Variants in SYNDIG1L observed in about 807,000 individuals in gnomAD.
SYNDIG1L encodes the protein synapse differentiation-inducing gene protein 1-like.
Under a neutral mutation model 20.1 loss-of-function variants are expected in SYNDIG1L, and 13 were observed. That is an observed-to-expected ratio of 0.65 (90% CI 0.42 to 1.03). The LOEUF (loss-of-function observed/expected upper bound fraction) is 1.03. Among genes scored for constraint, SYNDIG1L ranks in the 50% least tolerant of loss-of-function variants. The pLI is 0.00. For synonymous variants in SYNDIG1L, 128 were observed against 129.3 expected (o/e 0.99, Z 0.07); for missense variants, 294 against 305.1 (o/e 0.96, Z 0.27).
chr14:74,476,162 C>G, the SYNDIG1L span: 13 of 479,066 alleles, frequency 2.7e-5, no homozygotes, highest in South Asian at 1.4e-4. Context: ...GCAGTATCCC[C>G]CTTTGTGGCA....
chr14:74,416,539 C>T (rs987799461), intron 1 of SYNDIG1L, among the ~76,000 whole-genome samples: 6 of 152,042 alleles, frequency 3.9e-5, no homozygotes, highest in African/African-American at 7.2e-5. Context: ...GAGGCCGAGG[C>T]GGGAGGATCG....
chr14:74,435,930 T>C, the SYNDIG1L span, among the ~76,000 whole-genome samples: 1 of 152,182 alleles, frequency 6.6e-6, no homozygotes, highest in Non-Finnish European at 1.5e-5. Context: ...GTTTCTACCA[T>C]AATTTTCTGG....
chr14:74,412,366 G>A (rs1261895455), intron 1 of SYNDIG1L, among the ~76,000 whole-genome samples: 1 of 152,200 alleles, frequency 6.6e-6, no homozygotes, highest in Non-Finnish European at 1.5e-5. Context: ...GGGCATGTGA[G>A]CTCTGTAAGC....
At chr14:74,431,821 C>T in the SYNDIG1L span, among the ~76,000 whole-genome samples, 44 of 152,206 alleles carry the variant, frequency 2.9e-4, no homozygotes, top group Admixed American at 2.6e-4. Context: ...AACTTCTCCG[C>T]TAGATCAGGA....
chr14:74,435,015 G>A, the SYNDIG1L span, among the ~76,000 whole-genome samples: 1 of 144,222 alleles, frequency 6.9e-6, no homozygotes, highest in African/African-American at 2.6e-5. Flanking sequence ...CCCAGGAGAC[G>A]GAGCTTGCAG....
At chr14:74,428,878 G>A (rs2086284602), upstream of SYNDIG1L, among the ~76,000 whole-genome samples, 1 of 152,140 alleles carries the variant, frequency 6.6e-6, no homozygotes, top group Admixed American at 6.5e-5. Context: ...GAGATTGGTT[G>A]TGGGGAAGGG....
chr14:74,440,583 G>C, the SYNDIG1L span, among the ~76,000 whole-genome samples: 1 of 151,020 alleles, frequency 6.6e-6, no homozygotes, highest in African/African-American at 2.5e-5. Flanking sequence ...TACTCGGGAG[G>C]CTAAGGCAGG....
chr14:74,438,200 GATC>G, the SYNDIG1L span, among the ~76,000 whole-genome samples: 1 of 152,168 alleles, frequency 6.6e-6, no homozygotes, highest in Non-Finnish European at 1.5e-5. Flanking sequence ...TCCTAAGTGT[GATC>G]AATAAAGATG....
chr14:74,441,684 A>G, the SYNDIG1L span, among the ~76,000 whole-genome samples: 1 of 151,586 alleles, frequency 6.6e-6, no homozygotes, highest in Non-Finnish European at 1.5e-5. Context: ...TACTTTTTAA[A>G]CTTTTTTTTG....
the SYNDIG1L span, among the ~76,000 whole-genome samples, chr14:74,451,847 G>C: frequency 6.6e-6 from 1 of 151,796 alleles, no homozygotes; most frequent in East Asian, 1.9e-4. Flanking sequence ...AAAATTAGCT[G>C]GGTGTGGTGG....
the SYNDIG1L span, among the ~76,000 whole-genome samples, chr14:74,445,416 A>T: frequency 6.6e-6 from 1 of 152,110 alleles, no homozygotes; most frequent in Non-Finnish European, 1.5e-5. Flanking sequence ...AGCTAGCCAC[A>T]TTAGCATATT....
the SYNDIG1L span, among the ~76,000 whole-genome samples, chr14:74,468,010 C>T: frequency 6.6e-6 from 1 of 152,032 alleles, no homozygotes; most frequent in African/African-American, 2.4e-5. Flanking sequence ...GAGTGAGATC[C>T]ATGGAGCCCA....
At chr14:74,452,895 C>T in the SYNDIG1L span, among the ~76,000 whole-genome samples, 1 of 152,132 alleles carries the variant, frequency 6.6e-6, no homozygotes, top group African/African-American at 2.4e-5. Context: ...GAATACTACT[C>T]AGCAACAAAG....
At chr14:74,462,182 C>G in the SYNDIG1L span, among the ~76,000 whole-genome samples, 1 of 150,798 alleles carries the variant, frequency 6.6e-6, no homozygotes, top group Admixed American at 6.6e-5. Context: ...GTTCAAAGCA[C>G]GCTTAATGTA....
At chr14:74,456,658 A>G in the SYNDIG1L span, among the ~76,000 whole-genome samples, 1 of 152,026 alleles carries the variant, frequency 6.6e-6, no homozygotes, top group African/African-American at 2.4e-5. Flanking sequence ...CTTATAAAAG[A>G]GGGGTCACTG....
the SYNDIG1L span, among the ~76,000 whole-genome samples, chr14:74,452,564 G>GT: frequency 6.6e-6 from 1 of 152,184 alleles, no homozygotes; most frequent in Non-Finnish European, 1.5e-5. Context: ...ATGTGGAACT[G>GT]TAAGTCCATT....
intron 1 of SYNDIG1L, among the ~76,000 whole-genome samples, chr14:74,413,034 C>G (rs1430990858): frequency 2.0e-5 from 3 of 152,316 alleles, no homozygotes; most frequent in African/African-American, 7.2e-5. Context: ...AGGAGGACTG[C>G]CCTCCTGTCT....
At chr14:74,474,440 C>T in the SYNDIG1L span, 4 of 152,288 alleles carry the variant, frequency 2.6e-5, no homozygotes, top group Non-Finnish European at 5.9e-5. Context: ...TTCAGAGATT[C>T]AGTGTATGGG....
chr14:74,423,882 G>A (rs2086244330), intron 1 of SYNDIG1L, among the ~76,000 whole-genome samples: 1 of 151,934 alleles, frequency 6.6e-6, no homozygotes, highest in South Asian at 2.1e-4. Flanking sequence ...GGTGGTGGTG[G>A]TGGTGGTGGC....
Sources: gnomAD v4.1 joint callset for allele counts (sites outside exome capture counted in the v4.1 genomes callset) on GRCh38, gnomAD v4.1.1 for gene constraint, MANE v1.5 for transcripts, NCBI Gene and HGNC (gene_info 2026-07-23, HGNC 2026-07-21) for gene names.